Variants in EYS observed in about 807,000 individuals in gnomAD.
The protein encoded by EYS is protein eyes shut homolog.
A neutral mutation model predicts 282.1 loss-of-function variants in EYS; 250 were observed. The observed-to-expected ratio is 0.89, with a 90% CI of 0.80 to 0.98. The LOEUF (loss-of-function observed/expected upper bound fraction) is 0.98. Ranked by LOEUF, EYS falls within the 50% of genes least tolerant of loss-of-function variation. EYS has a pLI of 0.00. For missense variants in EYS, 4,016 were observed against 3,709.0 expected (o/e 1.08, Z -2.15); for synonymous variants, 1,355 against 1,282.9 (o/e 1.06, Z -1.20).
rs563240974 is a variant in EYS, at chr6:63,730,750, G to A, written c.8072-4070C>T. On this transcript the variant is annotated intron_variant, in intron 41 of 42. Coordinates refer to ENST00000503581, the MANE Select transcript of EYS (RefSeq NM_001142800.2). The stretch of plus-strand genomic sequence containing the variant: ...AATTATTTTGTTATCGTCTGGGCAT[G>A]GTGGCTCATGCCTGTAATCTCAGCA... Among the ~76,000 whole-genome samples, 4 of 152,282 alleles carry A rather than the reference G, an allele frequency of 2.6e-5. No homozygotes were observed. The East Asian group carries it at 7.7e-4, about 29-fold the overall frequency.
intron 29 of EYS, among the ~76,000 whole-genome samples, chr6:64,345,522 C>G (rs544848912): frequency 3.1e-4 from 47 of 152,198 alleles, no homozygotes; most frequent in African/African-American, 1.1e-3. Flanking sequence ...AACTGGATCC[C>G]TTCCTTACAC....
At chr6:63,733,063 G>A (rs2149636157) in intron 41 of EYS, among the ~76,000 whole-genome samples, 1 of 152,246 alleles carries the variant, frequency 6.6e-6, no homozygotes, top group African/African-American at 2.4e-5. Flanking sequence ...TTTGAGGATA[G>A]AGGGAATAAT....
At chr6:64,709,017 CAT>C (rs1259641719) in intron 22 of EYS, among the ~76,000 whole-genome samples, 14 of 28,130 alleles carry the variant, frequency 5.0e-4, no homozygotes, top group Non-Finnish European at 3.0e-3. Flanking sequence ...TACATGCACA[CAT>C]ACACACACAC....
chr6:64,722,655 G>A (rs1289191505), intron 22 of EYS, among the ~76,000 whole-genome samples: 2 of 151,856 alleles, frequency 1.3e-5, no homozygotes, highest in Admixed American at 6.6e-5. Flanking sequence ...TTTTTTCACA[G>A]CTACAAAGGA....
intron 12 of EYS, among the ~76,000 whole-genome samples, chr6:65,123,280 A>T (rs1003673695): frequency 1.3e-5 from 2 of 152,202 alleles, no homozygotes; most frequent in Non-Finnish European, 2.9e-5. Flanking sequence ...AAGAGGAAGA[A>T]TGAAAGCATA....
intron 30 of EYS, among the ~76,000 whole-genome samples, chr6:64,243,588 A>C (rs1318658554): frequency 6.6e-6 from 1 of 152,220 alleles, no homozygotes; most frequent in African/African-American, 2.4e-5. Context: ...ATTGGTTAGA[A>C]CTTGGACACA....
intron 13 of EYS, among the ~76,000 whole-genome samples, chr6:65,035,666 C>A (rs1424375450): frequency 1.3e-5 from 2 of 151,692 alleles, no homozygotes; most frequent in Non-Finnish European, 2.9e-5. Context: ...AAACACTGCT[C>A]AAAGATATCA....
At chr6:65,451,332 A>T (rs180938765) in intron 5 of EYS, among the ~76,000 whole-genome samples, 1 of 152,208 alleles carries the variant, frequency 6.6e-6, no homozygotes, top group Admixed American at 6.6e-5. Flanking sequence ...TACACCCCTC[A>T]CACACAATTT....
chr6:65,148,007 G>T (rs541969413), intron 12 of EYS, among the ~76,000 whole-genome samples: 265 of 151,972 alleles, frequency 1.7e-3, no homozygotes, highest in Non-Finnish European at 2.8e-3. Context: ...TTCCCACCAG[G>T]TTCCTCCCAT....
At chr6:65,083,856 C>G (rs939976049) in intron 12 of EYS, among the ~76,000 whole-genome samples, 3 of 151,458 alleles carry the variant, frequency 2.0e-5, no homozygotes, top group Non-Finnish European at 4.4e-5. Context: ...TAGTATTAAT[C>G]TGAAGGTGAT....
intron 2 of EYS, among the ~76,000 whole-genome samples, chr6:65,603,374 T>C (rs1270512319): frequency 6.6e-6 from 1 of 150,728 alleles, no homozygotes; most frequent in Non-Finnish European, 1.5e-5. Flanking sequence ...TGAATGATGG[T>C]CATTTGTCAA....
chr6:65,227,983 T>C (rs918072496), intron 12 of EYS, among the ~76,000 whole-genome samples: 1 of 151,940 alleles, frequency 6.6e-6, no homozygotes, highest in Non-Finnish European at 1.5e-5. Flanking sequence ...AAAGTTCTAG[T>C]AAGGAATAAG....
At chr6:63,832,648 C>A (rs926429466) in intron 36 of EYS, among the ~76,000 whole-genome samples, 1 of 152,170 alleles carries the variant, frequency 6.6e-6, no homozygotes, top group Non-Finnish European at 1.5e-5. Flanking sequence ...CAAAGAGGAG[C>A]TGGTACCATT....
chr6:65,690,529 G>T (rs1769203140), intron 1 of EYS, among the ~76,000 whole-genome samples: 1 of 149,996 alleles, frequency 6.7e-6, no homozygotes, highest in Admixed American at 6.7e-5. Context: ...TAGGCTCTCT[G>T]CAGGCGGAAG....
intron 22 of EYS, among the ~76,000 whole-genome samples, chr6:64,691,318 T>A (rs957078038): frequency 6.6e-6 from 1 of 152,058 alleles, no homozygotes; most frequent in African/African-American, 2.4e-5. Flanking sequence ...AAAGTTTGGA[T>A]AAAAAGAAAT....
chr6:64,911,704 G>A (rs569221058), intron 16 of EYS, among the ~76,000 whole-genome samples: 1 of 152,180 alleles, frequency 6.6e-6, no homozygotes, highest in African/African-American at 2.4e-5. Context: ...GACACATCTA[G>A]TTATTCTGAA....
chr6:64,238,185 C>T (rs1766674978), intron 30 of EYS, among the ~76,000 whole-genome samples: 4 of 152,146 alleles, frequency 2.6e-5, no homozygotes, highest in Admixed American at 2.6e-4. Flanking sequence ...TTAGCTATTA[C>T]ACAGTCACAA....
intron 37 of EYS, among the ~76,000 whole-genome samples, chr6:63,804,494 A>G (rs569258491): frequency 1.2e-3 from 176 of 152,358 alleles, no homozygotes; most frequent in Non-Finnish European, 2.2e-3. Flanking sequence ...CTACATCACC[A>G]GTCTCTAGAG....
intron 12 of EYS, among the ~76,000 whole-genome samples, chr6:65,236,595 G>A (rs1374338253): frequency 6.7e-6 from 1 of 150,138 alleles, no homozygotes; most frequent in Non-Finnish European, 1.5e-5. Context: ...GCAACAGAGT[G>A]AGACTCTGTC....
Sources: gnomAD v4.1 joint callset for allele counts (sites outside exome capture counted in the v4.1 genomes callset) on GRCh38, gnomAD v4.1.1 for gene constraint, MANE v1.5 for transcripts, NCBI Gene and HGNC (gene_info 2026-07-23, HGNC 2026-07-21) for gene names.